RRM1: variants seen among roughly 807,000 people sequenced by gnomAD.
The protein encoded by RRM1 is ribonucleoside-diphosphate reductase large subunit.
A neutral mutation model predicts 101.5 loss-of-function variants in RRM1; 19 were observed. The observed-to-expected ratio is 0.19, with a 90% CI of 0.13 to 0.27. RRM1 has a LOEUF of 0.27. Ranked by LOEUF, RRM1 falls within the 10% of genes least tolerant of loss-of-function variation. The probability of loss-of-function intolerance (pLI) is 1.00; values close to 1 mark genes in which losing one functional copy is unlikely to be tolerated. For missense variants in RRM1, 500 were observed against 962.9 expected, an observed-to-expected ratio of 0.52 and a Z score of 6.36; for synonymous variants, 298 against 323.4, an observed-to-expected ratio of 0.92 and a Z score of 0.84.
intron 7 of RRM1, among the ~76,000 whole-genome samples, chr11:4,113,908 C>A (rs1265214727): frequency 6.6e-6 from 1 of 152,096 alleles, no homozygotes; most frequent in Non-Finnish European, 1.5e-5. Context: ...GGGCGGATTG[C>A]CTGAGCTCAG....
chr11:4,129,309 C>T (rs537397359), intron 15 of RRM1, among the ~76,000 whole-genome samples, 159 bp downstream of exon 15: 4 of 152,086 alleles, frequency 2.6e-5, no homozygotes, highest in East Asian at 3.9e-4. Flanking sequence ...GAAAAAACTT[C>T]GTAAGATAAT....
chr11:4,095,530 C>T (rs573216770), intron 1 of RRM1, among the ~76,000 whole-genome samples: 58 of 152,304 alleles, frequency 3.8e-4, no homozygotes, highest in African/African-American at 1.3e-3. Context: ...GGCCTCTCTA[C>T]CCTCCGTAGG....
chr11:4,106,280 C>T, intron 3 of RRM1, 57 bp downstream of exon 3: 2 of 1,399,812 alleles, frequency 1.4e-6, no homozygotes, highest in Non-Finnish European at 2.0e-6. Context: ...AATAAGGGTA[C>T]TAGAAATAAA....
chr11:4,111,200 G>T (rs1336581779), intron 5 of RRM1, among the ~76,000 whole-genome samples: 3 of 151,922 alleles, frequency 2.0e-5, no homozygotes, highest in Non-Finnish European at 4.4e-5. Flanking sequence ...TAAAAAAAGT[G>T]CCAATGATAA....
At chr11:4,130,717 G>A (rs528713364) in intron 15 of RRM1, among the ~76,000 whole-genome samples, 1 of 152,232 alleles carries the variant, frequency 6.6e-6, no homozygotes, top group East Asian at 1.9e-4. Context: ...TGTATTCTGA[G>A]ACTTGTTATT....
Position 4,131,537 on chromosome 11 carries a change from G to A in RRM1, c.1770-749G>A, listed in dbSNP as rs2094600435. ...GGTATACGGAAAGGTACAGGTCAGAGAAAATGTTTGCAGAGTAGATATTTG... is the reference window on the plus strand; with the variant it reads ...GGTATACGGAAAGGTACAGGTCAGAAAAAATGTTTGCAGAGTAGATATTTG... On this transcript the variant is annotated intron_variant, in intron 15 of 18. Transcript: ENST00000300738. Among the ~76,000 whole-genome samples, 3 of 152,202 alleles carry A rather than the reference G, an allele frequency of 2.0e-5. No homozygotes were observed. In the South Asian group the frequency reaches 6.2e-4, roughly 32 times the overall value.
intron 12 of RRM1, among the ~76,000 whole-genome samples, chr11:4,126,428 A>G (rs993899662): frequency 6.6e-6 from 1 of 152,254 alleles, no homozygotes; most frequent in Admixed American, 6.5e-5. Context: ...AGAGCTGTGT[A>G]CTGTGGAACA....
Position 4,127,116 on chromosome 11 carries a change from C to G in RRM1, c.1552C>G (p.Pro518Ala), listed in dbSNP as rs777849969. Residue 518 changes from proline to alanine, a missense_variant, in exon 14 of 19, where the codon CCT becomes GCT. By Grantham distance (27) the Pro-to-Ala change is conservative (BLOSUM62 -1). Transcript: ENST00000300738. The part of the protein sequence containing the change: ...LADAFILMRY[P>A]FESAEAQLLN... ...AGATGCTTTTATCCTGATGAGATAC[C>G]CTTTTGAGAGTGCAGAAGCCCAGTT... 1.9e-6 allele frequency: 3 copies of G among 1,613,896 alleles called. No individual in the cohort carries two copies. Among genetic ancestry groups the G allele is most frequent in the African/African-American group, 1.3e-5 (1 of 74,878 alleles).
chr11:4,132,964 T>A lies in RRM1; in HGVS notation c.1905+543T>A, dbSNP rs985301216. Among the ~76,000 whole-genome samples the A allele has an allele frequency of 4.6e-5, 7 of 152,158 alleles. No individual in the cohort carries two copies. The highest frequency in any genetic ancestry group is 1.7e-4 in the African/African-American group (7 of 41,432). On this transcript the variant is annotated intron_variant, in intron 16 of 18. Coordinates refer to ENST00000300738, the MANE Select transcript of RRM1 (RefSeq NM_001033.5). This position sits in a 1 kb window ranked among gnomAD's most constrained non-coding sequence, Gnocchi z 4.1. ...AAGTTCGAGAAGGATACGTTTCCAA[T>A]TTTTTTAACCTAAGTATTTATAGAT...
chr11:4,137,300 G>A, intron 18 of RRM1: 2 of 211,696 alleles, frequency 9.4e-6, no homozygotes, highest in Admixed American at 6.0e-5. Context: ...CTCCCAGACG[G>A]GGTGGTGGCC....
At chr11:4,101,649 CT>C (rs1448701478) in intron 1 of RRM1, among the ~76,000 whole-genome samples, 2 of 147,032 alleles carry the variant, frequency 1.4e-5, no homozygotes, top group Non-Finnish European at 3.0e-5. Context: ...ACAATTTTGA[CT>C]TTTATTCTGG....
chr11:4,113,901 C>T lies in RRM1; in HGVS notation c.650+1839C>T, dbSNP rs925808239. On this transcript the variant is annotated intron_variant, in intron 7 of 18. Coordinates refer to ENST00000300738, the MANE Select transcript of RRM1 (RefSeq NM_001033.5). ...TAGCATGTTGGGAGGCCGAGGCGGG[C>T]GGATTGCCTGAGCTCAGGAGTTCGA... is the stretch of plus-strand genomic sequence containing the variant. 5.9e-5 allele frequency among the ~76,000 whole-genome samples: 9 copies of T among 151,904 alleles called. No individual in the cohort carries two copies. The South Asian group carries it at 1.0e-3, about 18-fold the overall frequency.
intron 15 of RRM1, among the ~76,000 whole-genome samples, chr11:4,130,086 A>ATATATATATATAT (rs1202870487): frequency 1.5e-4 from 15 of 99,444 alleles, no homozygotes; most frequent in African/African-American, 7.5e-4. Flanking sequence ...ATATATATAT[A>ATATATATATATAT]TTTTTTTTTT....
Position 4,107,527 on chromosome 11 carries a change from A to G in RRM1, c.379A>G (p.Asn127Asp). The G allele has an allele frequency of 6.2e-7, 1 of 1,608,904 alleles. No individual in the cohort carries two copies. Among genetic ancestry groups the G allele is most frequent in the South Asian group, 1.1e-5 (1 of 90,888 alleles). The change falls in exon 4 of 19, where the codon AAT (asparagine) becomes GAT (aspartate). Residue 127 changes from asparagine (N) to aspartate (D), a missense_variant. Physicochemically the swap from Asn to Asp is conservative, Grantham distance 23 (BLOSUM62 1). Coordinates refer to ENST00000300738, the MANE Select transcript of RRM1 (RefSeq NM_001033.5). ...GTCAACATTGGATATTGTTCTGGCC[A>G]ATAAAGATGTATGTATAACACTTAT... ...AKSTLDIVLA[N>D]KDRLNSAIIY...
Position 4,132,209 on chromosome 11 carries a change from T to C in RRM1, c.1770-77T>C, listed in dbSNP as rs2094601722. The C allele has an allele frequency of 7.3e-7, 1 of 1,366,958 alleles. No homozygotes were observed. Among genetic ancestry groups the C allele is most frequent in the Admixed American group, 1.7e-5 (1 of 58,208 alleles). The allele number at this position is 1,366,958 out of a possible 1,614,324, so 84.7% of individuals were successfully genotyped here. A position where few individuals can be genotyped will look rare whatever the true frequency, so the allele number is the denominator to read the frequency against. On this transcript the variant is annotated intron_variant, in intron 15 of 18. Coordinates refer to ENST00000300738, the MANE Select transcript of RRM1 (RefSeq NM_001033.5). This position sits in a 1 kb window ranked among gnomAD's most constrained non-coding sequence, Gnocchi z 4.1. ...ATTTACTACATTTATCTACATTTAC[T>C]ACAGTGACTTAAAGTAGCTGCTTTC...
chr11:4,118,110 A>C (rs373275687), intron 7 of RRM1, among the ~76,000 whole-genome samples: 3 of 152,106 alleles, frequency 2.0e-5, no homozygotes, highest in East Asian at 3.8e-4. Context: ...TATCTAGGGG[A>C]GGCAGCAAGA....
At chr11:4,112,128 A>C (rs1178227485) in intron 7 of RRM1, 66 bp downstream of exon 7, 2 of 1,284,458 alleles carry the variant, frequency 1.6e-6, no homozygotes, top group African/African-American at 1.5e-5. Flanking sequence ...TCATCACATA[A>C]AAAATAATTT....
intron 3 of RRM1, among the ~76,000 whole-genome samples, chr11:4,106,527 C>T (rs1411823799): frequency 1.3e-5 from 2 of 151,794 alleles, no homozygotes; most frequent in South Asian, 2.1e-4. Context: ...GCAGGTGGAT[C>T]GCTGAGGTCA....
rs192149579 is a variant in RRM1 at position 4,106,158 on chromosome 11, A to C, written c.221A>C (p.Tyr74Ser). The part of the protein sequence containing the change: ...AATLTTKHPD[Y>S]AILAARIAVS... ...ACCTTGACTACTAAGCACCCTGACT[A>C]TGCTATCCTGGCAGCCAGGATCGCT... Residue 74 changes from tyrosine (Y) to serine (S), a missense_variant, in exon 3 of 19, where the codon TAT (tyrosine) becomes TCT (serine). Physicochemically the swap from Tyr to Ser is moderately radical, Grantham distance 144. Coordinates refer to ENST00000300738, the MANE Select transcript of RRM1 (RefSeq NM_001033.5). The C allele has an allele frequency of 1.2e-6, 2 of 1,614,108 alleles. No individual in the cohort carries two copies. The highest frequency in any genetic ancestry group is 4.5e-5 in the East Asian group (2 of 44,886).
Sources: gnomAD v4.1 joint callset for allele counts (sites outside exome capture counted in the v4.1 genomes callset) on GRCh38, gnomAD v4.1.1 for gene constraint, Gnocchi (gnomAD v3.1) non-coding constraint, MANE v1.5 for transcripts, NCBI Gene and HGNC (gene_info 2026-07-23, HGNC 2026-07-21) for gene names.